The following WAC variants were observed in gnomAD, a reference collection of about 807,000 sequenced individuals.
The protein encoded by WAC is WW domain-containing adapter protein with coiled-coil.
In WAC, 11 loss-of-function variants were observed where a neutral mutation model predicts 79.6. The observed-to-expected ratio is 0.14, with a 90% CI of 0.09 to 0.23. The LOEUF is 0.23. Ranked by LOEUF, WAC falls within the 10% of genes least tolerant of loss-of-function variation. WAC has a pLI of 1.00. For missense variants in WAC, 728 were observed against 773.5 expected (o/e 0.94, Z 0.70); for synonymous variants, 304 against 276.9 (o/e 1.10, Z -0.97).
At chr10:28,541,097 AGAT>A (rs1836991589) in intron 3 of WAC, among the ~76,000 whole-genome samples, 1 of 152,192 alleles carries the variant, frequency 6.6e-6, no homozygotes, top group African/African-American at 2.4e-5. Flanking sequence ...TTAGATCCTT[AGAT>A]CCTTAAGACA....
intron 3 of WAC, among the ~76,000 whole-genome samples, chr10:28,568,266 TTTGCAAAAATACA>T (rs1366341627): frequency 2.0e-5 from 3 of 152,350 alleles, no homozygotes; most frequent in Non-Finnish European, 4.4e-5. Context: ...ATCTGAGTTG[TTTGCAAAAATACA>T]TTATTCCAGT....
intron 4 of WAC, among the ~76,000 whole-genome samples, chr10:28,587,021 G>A (rs117989838): frequency 0.044 from 6,725 of 152,140 alleles, 197 homozygotes; most frequent in Non-Finnish European, 0.066. Context: ...TGGCTACTCA[G>A]GAGACTGAGG....
intron 3 of WAC, among the ~76,000 whole-genome samples, chr10:28,562,578 T>G (rs1182498545): frequency 6.6e-6 from 1 of 152,240 alleles, no homozygotes; most frequent in East Asian, 1.9e-4. Context: ...TAAGTGTTAT[T>G]AATGTTTCTG....
chr10:28,611,404 T>C (rs778389681), intron 9 of WAC: 2 of 1,304,978 alleles, frequency 1.5e-6, no homozygotes, highest in South Asian at 1.2e-5. Context: ...CTTGCAACCC[T>C]CTGGCTAGCC....
At chr10:28,533,644 CCGGGCGGCGG>C (rs1229747849) in intron 1 of WAC, 24 bp downstream of exon 1, 1 of 1,592,136 alleles carries the variant, frequency 6.3e-7, no homozygotes, top group Non-Finnish European at 8.5e-7. Flanking sequence ...TCGTTTCGGG[CCGGGCGGCGG>C]CGGGGGGCGG....
At chr10:28,595,554 A>G (rs1840316493) in intron 6 of WAC, among the ~76,000 whole-genome samples, 179 bp from the exon 7 acceptor site, 1 of 152,170 alleles carries the variant, frequency 6.6e-6, no homozygotes, top group South Asian at 2.1e-4. Flanking sequence ...CCAGTATTGC[A>G]TATTTACATG....
At chr10:28,533,912 G>A (rs867180224) in intron 1 of WAC, 86 bp from the exon 2 acceptor site, 35 of 1,511,902 alleles carry the variant, frequency 2.3e-5, no homozygotes, top group Middle Eastern at 4.7e-4. Context: ...CCCGCGGGGA[G>A]GGGCGGCGGG....
intron 3 of WAC, among the ~76,000 whole-genome samples, chr10:28,541,409 G>A (rs1837017916): frequency 1.2e-5 from 1 of 81,340 alleles, no homozygotes; most frequent in African/African-American, 4.0e-5. Flanking sequence ...GGTTGTGTGT[G>A]TGTGTGTTTT....
At chr10:28,577,428 A>G (rs551015263) in intron 3 of WAC, among the ~76,000 whole-genome samples, 1 of 152,316 alleles carries the variant, frequency 6.6e-6, no homozygotes, top group South Asian at 2.1e-4. Context: ...AAAGTTGCAT[A>G]ATTTTGAACG....
intron 3 of WAC, among the ~76,000 whole-genome samples, chr10:28,567,724 C>T (rs1327519702): frequency 6.6e-6 from 1 of 152,184 alleles, no homozygotes; most frequent in Non-Finnish European, 1.5e-5. Flanking sequence ...CTTGTACCTT[C>T]CTGCATTTCA....
At chr10:28,608,508 G>T in intron 8 of WAC, 77 bp downstream of exon 8, 1 of 1,380,346 alleles carries the variant, frequency 7.2e-7, no homozygotes, top group Non-Finnish European at 9.7e-7. Context: ...CCCCAGTTTA[G>T]GAATGGTCTT....
At position 28,590,832 on chromosome 10, in the gene WAC, A is replaced by G. The variant is rs1564405102; in HGVS notation, c.610A>G (p.Met204Val). ...AGCCACTAGTGGGTTTGCCAGTGGA[A>G]GTAAGTATTAATTTTTTTTCTTTGA... is the stretch of plus-strand genomic sequence containing the variant. ...ATATSGFASG[M>V]EDKHSSDASS... The change falls in exon 6 of 14, where the codon ATG becomes GTG. Residue 204 changes from methionine to valine, a missense_variant and splice_region_variant. Around this residue, in one of 3 missense-constraint regions of WAC, gnomAD observed 648 missense variants for 661.5 expected, o/e 0.98. Coordinates refer to ENST00000354911, the MANE Select transcript of WAC (RefSeq NM_016628.5). 3 of 1,603,430 alleles carry G rather than the reference A, an allele frequency of 1.9e-6. No individual in the cohort carries two copies. The highest frequency in any genetic ancestry group is 2.6e-6 in the Non-Finnish European group (3 of 1,175,540).
intron 7 of WAC, among the ~76,000 whole-genome samples, chr10:28,606,956 A>AT (rs1300461422): frequency 1.3e-5 from 2 of 152,116 alleles, no homozygotes; most frequent in Non-Finnish European, 2.9e-5. Context: ...TGACTTTAAA[A>AT]TTTTTGCATT....
intron 4 of WAC, 82 bp from the exon 5 acceptor site, chr10:28,589,654 G>A (rs1326459811): frequency 1.2e-5 from 10 of 866,066 alleles, no homozygotes; most frequent in African/African-American, 1.7e-5. Context: ...GTGTTTTCCT[G>A]TATGTGTGCT....
At chr10:28,573,800 A>G (rs1029689101) in intron 3 of WAC, among the ~76,000 whole-genome samples, 3 of 152,184 alleles carry the variant, frequency 2.0e-5, no homozygotes, top group East Asian at 3.9e-4. Context: ...GTAGTCACCA[A>G]TGTTCTAAAT....
intron 9 of WAC, chr10:28,611,422 C>A: frequency 7.6e-7 from 1 of 1,310,162 alleles, no homozygotes; most frequent in Non-Finnish European, 1.0e-6. Flanking sequence ...GCCTCATGAG[C>A]AGGAGACTGC....
At chr10:28,611,454 G>A in intron 9 of WAC, 1 of 1,331,002 alleles carries the variant, frequency 7.5e-7, no homozygotes, top group Non-Finnish European at 9.8e-7. Flanking sequence ...GGGCCTAAAT[G>A]TAGAATAAGA....
intron 10 of WAC, 78 bp from the exon 11 acceptor site, chr10:28,614,489 C>G (rs1159119836): frequency 2.5e-6 from 3 of 1,184,870 alleles, no homozygotes; most frequent in Non-Finnish European, 3.8e-6. Flanking sequence ...TTACATGTTT[C>G]AAGACGATTA....
In WAC at chr10:28,614,748, T is replaced by C; in HGVS notation, c.1556+63T>C. On this transcript the variant is annotated intron_variant, in intron 11 of 13. Coordinates refer to ENST00000354911, the MANE Select transcript of WAC (RefSeq NM_016628.5). ...TTTAATGATGGTACACTGCATTGTT[T>C]GAATATTATATCTGTAAAATAGAAC... 2.4e-6 allele frequency: 3 copies of C among 1,273,532 alleles called. No individual in the cohort carries two copies. The African/African-American group carries it at 4.4e-5, about 19-fold the overall frequency. 78.9% of individuals were successfully genotyped at this position (1,273,532 alleles called of 1,614,324 possible). A position where few individuals can be genotyped will look rare whatever the true frequency, so the allele number is the denominator to read the frequency against.
Sources: allele counts gnomAD v4.1 joint callset (sites outside exome capture counted in the v4.1 genomes callset), GRCh38; gene constraint gnomAD v4.1.1; regional missense constraint gnomAD v4.1.1; transcripts MANE v1.5; gene names NCBI Gene and HGNC (gene_info 2026-07-23, HGNC 2026-07-21).